Variants in ATR observed in about 807,000 individuals in gnomAD.
The protein encoded by ATR is serine/threonine-protein kinase ATR.
ATR carries 142 observed loss-of-function variants against 305.3 expected under a neutral mutation model. The ratio of observed to expected loss-of-function variants is 0.47; its 90% CI spans 0.41 to 0.53. The LOEUF is 0.53. ATR is among the 20% of genes least tolerant of loss of function. ATR has a pLI of 0.00. For synonymous variants in ATR, 1,050 were observed against 1,068.1 expected, an observed-to-expected ratio of 0.98 and a Z score of 0.33; for missense variants, 2,135 against 3,133.1, an observed-to-expected ratio of 0.68 and a Z score of 7.60.
At chr3:142,573,865 C>T (rs1268654140) in intron 1 of ATR, among the ~76,000 whole-genome samples, 1 of 152,106 alleles carries the variant, frequency 6.6e-6, no homozygotes, top group Non-Finnish European at 1.5e-5. Flanking sequence ...TGGCTAGTGG[C>T]TACCATAGTA....
At chr3:142,474,903 A>G (rs1469089441) in intron 36 of ATR, among the ~76,000 whole-genome samples, 1 of 151,898 alleles carries the variant, frequency 6.6e-6, no homozygotes, top group East Asian at 1.9e-4. Context: ...CCTTCTATAC[A>G]TATTTTTTTT....
intron 4 of ATR, 122 bp from the exon 5 acceptor site, chr3:142,561,543 T>TAAAG: frequency 3.2e-6 from 3 of 944,954 alleles, no homozygotes; most frequent in African/African-American, 1.7e-5. Flanking sequence ...TAGAGTCTCA[T>TAAAG]AAAGCAAAAT....
chr3:142,452,205 G>A, intron 46 of ATR: 5 of 997,540 alleles, frequency 5.0e-6, no homozygotes, highest in Non-Finnish European at 6.0e-6. Context: ...ATATCAGTAG[G>A]ATGAAAGTGG....
Position 142,504,573 on chromosome 3 carries a change from T to C in ATR, c.5196+566A>G, listed in dbSNP as rs193152538. Reference sequence around the variant, plus strand: ...CACCTCCCGGGTTCAAGCAATTCTCTTGCCTCAGCCTCCCAAGTAGCTGGG... The same window carrying C: ...CACCTCCCGGGTTCAAGCAATTCTCCTGCCTCAGCCTCCCAAGTAGCTGGG... On this transcript the variant is annotated intron_variant, in intron 29 of 46. Coordinates refer to ENST00000350721, the MANE Select transcript of ATR (RefSeq NM_001184.4). Among the ~76,000 whole-genome samples the C allele has an allele frequency of 3.3e-3, 499 of 151,648 alleles. 1 individual carries two copies. Among genetic ancestry groups the C allele is most frequent in the African/African-American group, 0.011 (453 of 41,418 alleles).
intron 41 of ATR, among the ~76,000 whole-genome samples, chr3:142,463,776 G>A (rs2071068828): frequency 6.6e-6 from 1 of 151,988 alleles, no homozygotes; most frequent in Admixed American, 6.6e-5. Context: ...AATTACTTTT[G>A]GTTAAACCAA....
At chr3:142,495,332 T>C (rs1481431335) in intron 34 of ATR, among the ~76,000 whole-genome samples, 1 of 152,188 alleles carries the variant, frequency 6.6e-6, no homozygotes, top group Admixed American at 6.5e-5. Flanking sequence ...TAACCACAAA[T>C]GGCACCAACA....
At chr3:142,488,607 T>C (rs952511583) in intron 35 of ATR, among the ~76,000 whole-genome samples, 1 of 152,238 alleles carries the variant, frequency 6.6e-6, no homozygotes, top group African/African-American at 2.4e-5. Context: ...TTCCCACTTC[T>C]GATACTCTGG....
intron 35 of ATR, among the ~76,000 whole-genome samples, chr3:142,491,996 A>AT (rs1267260284): frequency 6.6e-6 from 1 of 152,012 alleles, no homozygotes; most frequent in Non-Finnish European, 1.5e-5. Flanking sequence ...TCACAGAGTA[A>AT]TTTTTTAATG....
At chr3:142,558,813 T>C (rs761740120) in intron 7 of ATR, 37 bp from the exon 8 acceptor site, 4 of 1,551,688 alleles carry the variant, frequency 2.6e-6, no homozygotes, top group Admixed American at 1.7e-5. Flanking sequence ...ATTATAACTT[T>C]TCCTTAATCA....
chr3:142,495,830 C>G (rs1251339899), intron 34 of ATR, among the ~76,000 whole-genome samples: 4 of 151,912 alleles, frequency 2.6e-5, no homozygotes, highest in African/African-American at 9.7e-5. Flanking sequence ...TAAAAAACCC[C>G]CTTCTTATTA....
intron 8 of ATR, 148 bp from the exon 9 acceptor site, chr3:142,556,723 T>C: frequency 1.3e-6 from 1 of 779,792 alleles, no homozygotes; most frequent in Non-Finnish European, 2.0e-6. Context: ...AATACCTAAT[T>C]TAATTAAAAG....
intron 35 of ATR, among the ~76,000 whole-genome samples, chr3:142,488,244 A>G (rs954527297): frequency 2.0e-5 from 3 of 152,192 alleles, no homozygotes; most frequent in African/African-American, 2.4e-5. Flanking sequence ...AGCTCCCTGT[A>G]CAGGTTCCAG....
intron 36 of ATR, among the ~76,000 whole-genome samples, chr3:142,482,862 T>C (rs571491692): frequency 4.6e-5 from 7 of 151,804 alleles, no homozygotes; most frequent in Admixed American, 1.3e-4. Context: ...GAACTGCCTT[T>C]AGTACCTTTA....
intron 22 of ATR, among the ~76,000 whole-genome samples, chr3:142,523,313 G>A (rs762680185): frequency 6.6e-6 from 1 of 151,942 alleles, no homozygotes; most frequent in Non-Finnish European, 1.5e-5. Context: ...CCAGCTACTC[G>A]GGAGGCTGAG....
chr3:142,574,602 T>C (rs1280605266), intron 1 of ATR, among the ~76,000 whole-genome samples: 1 of 152,176 alleles, frequency 6.6e-6, no homozygotes, highest in Non-Finnish European at 1.5e-5. Flanking sequence ...ATGTAAGTAT[T>C]ATATAAAGCT....
chr3:142,542,919 CACATGTAGTATTTAAAGAA>C (rs1164305751), intron 16 of ATR, among the ~76,000 whole-genome samples, 162 bp from the exon 17 acceptor site: 2 of 152,046 alleles, frequency 1.3e-5, no homozygotes, highest in Non-Finnish European at 2.9e-5. Context: ...CATATATCTT[CACATGTAGTATTTAAAGAA>C]ACATGTAGTA....
chr3:142,503,318 A>G lies in ATR; in HGVS notation c.5288+44T>C, dbSNP rs779548758. ...CCAATTCACTAACTAAAAATTCTCC[A>G]TTCAGATGCAATAACAAAAGAAAAT... On this transcript the variant is annotated intron_variant, in intron 30 of 46. Transcript: ENST00000350721. 6 of 1,379,750 alleles carry G rather than the reference A, an allele frequency of 4.3e-6. No individual in the cohort carries two copies. In the East Asian group the frequency reaches 1.4e-4, roughly 32 times the overall value. The allele number at this position is 1,379,750 out of a possible 1,614,324, so 85.5% of individuals were successfully genotyped here.
chr3:142,450,442 C>T (rs1364581006), intron 46 of ATR: 12 of 1,598,416 alleles, frequency 7.5e-6, no homozygotes, highest in African/African-American at 1.3e-5. Flanking sequence ...ATTGAGACTA[C>T]ATCACCACAG....
chr3:142,535,983 T>C (rs2033843792), intron 20 of ATR, 125 bp downstream of exon 20: 1 of 698,154 alleles, frequency 1.4e-6, no homozygotes, highest in South Asian at 1.7e-5. Flanking sequence ...CACCAGGAAT[T>C]AGCTATCAGA....
Sources: allele counts gnomAD v4.1 joint callset (sites outside exome capture counted in the v4.1 genomes callset), GRCh38; gene constraint gnomAD v4.1.1; transcripts MANE v1.5; gene names NCBI Gene and HGNC (gene_info 2026-07-23, HGNC 2026-07-21).